The following MAEA variants were observed in gnomAD, a reference collection of about 807,000 sequenced individuals.
MAEA encodes the protein E3 ubiquitin-protein transferase MAEA.
A neutral mutation model predicts 46.2 loss-of-function variants in MAEA; 22 were observed. The ratio of observed to expected loss-of-function variants is 0.48; its 90% confidence interval spans 0.34 to 0.68. The LOEUF (loss-of-function observed/expected upper bound fraction) is 0.68. Among genes scored for constraint, MAEA ranks in the 30% least tolerant of loss-of-function variants. The probability of loss-of-function intolerance (pLI) is 0.01; values close to 1 mark genes in which losing one functional copy is unlikely to be tolerated. For synonymous variants in MAEA, 246 were observed against 222.6 expected (o/e 1.11, Z -0.94); for missense variants, 393 against 558.1 (o/e 0.70, Z 2.98).
At chr4:1,337,759 G>T in intron 7 of MAEA, 1 of 171,350 alleles carries the variant, frequency 5.8e-6, no homozygotes, top group South Asian at 9.6e-5. Flanking sequence ...GACTGACTCC[G>T]TCCTGCCTGT....
At position 1,331,679 on chromosome 4, in the gene MAEA, C is replaced by T. The variant is rs764676205; in HGVS notation, c.657-1078C>T. The T allele has an allele frequency of 1.6e-3, 242 of 152,182 alleles. 7 individuals are homozygous for T. The highest frequency in any genetic ancestry group is 7.0e-4 in the Non-Finnish European group (48 of 68,334). 9.4% of individuals were successfully genotyped at this position (152,182 alleles called of 1,614,324 possible). On this transcript the variant is annotated intron_variant, in intron 5 of 8. Transcript: ENST00000303400. The stretch of plus-strand genomic sequence containing the variant: ...GCAGAGGGGCCCTGAGGGCTGAGAA[C>T]GTGGGGTGCACAGGGGCCCGTGTGA...
At chr4:1,313,531 GC>G (rs1381355763) in intron 2 of MAEA, among the ~76,000 whole-genome samples, 1 of 152,148 alleles carries the variant, frequency 6.6e-6, no homozygotes, top group Non-Finnish European at 1.5e-5. Flanking sequence ...TTTGAGACCA[GC>G]CTGGGCAGCA....
At chr4:1,326,248 C>T (rs888757771) in intron 4 of MAEA, among the ~76,000 whole-genome samples, 2 of 152,242 alleles carry the variant, frequency 1.3e-5, no homozygotes, top group African/African-American at 4.8e-5. Flanking sequence ...GTGGATTCAT[C>T]TGCCACGTGG....
chr4:1,304,402 G>T (rs1402820964), intron 1 of MAEA, among the ~76,000 whole-genome samples: 1 of 152,054 alleles, frequency 6.6e-6, no homozygotes, highest in Non-Finnish European at 1.5e-5. Flanking sequence ...CCAAAGCACG[G>T]GGATTCCAGA....
intron 5 of MAEA, chr4:1,329,471 G>A (rs894848630): frequency 4.1e-6 from 4 of 985,184 alleles, no homozygotes; most frequent in African/African-American, 1.7e-5. Context: ...CAGGAAGTGC[G>A]TGTCCTTCCT....
chr4:1,298,007 A>G (rs1487016184), intron 1 of MAEA: 1 of 456,228 alleles, frequency 2.2e-6, no homozygotes, highest in Non-Finnish European at 4.4e-6. Context: ...CTGGCCACAG[A>G]AGCCGCACCT....
At chr4:1,318,198 A>G (rs1737553700) in intron 3 of MAEA, among the ~76,000 whole-genome samples, 1 of 152,178 alleles carries the variant, frequency 6.6e-6, no homozygotes, top group Non-Finnish European at 1.5e-5. Flanking sequence ...TAGATGACCT[A>G]GCCATCCTCT....
intron 6 of MAEA, among the ~76,000 whole-genome samples, chr4:1,333,714 AC>A (rs528882532): frequency 9.2e-5 from 1 of 10,830 alleles, no homozygotes. Flanking sequence ...CCCCTTGCCC[AC>A]CCCCATGCCC....
intron 1 of MAEA, among the ~76,000 whole-genome samples, chr4:1,293,110 G>T (rs979762776): frequency 6.6e-5 from 10 of 151,944 alleles, no homozygotes; most frequent in Non-Finnish European, 1.3e-4. Context: ...TGTCCAGCTG[G>T]TCTTGAACTC....
At chr4:1,335,579 G>C (rs1242571184) in intron 6 of MAEA, 1 of 983,654 alleles carries the variant, frequency 1.0e-6, no homozygotes, top group Non-Finnish European at 1.2e-6. Context: ...AAATCACAGA[G>C]TTAAGTCAGC....
chr4:1,293,813 T>G (rs1351674805), intron 1 of MAEA, among the ~76,000 whole-genome samples: 1 of 151,282 alleles, frequency 6.6e-6, no homozygotes, highest in African/African-American at 2.4e-5. Context: ...TTGATGACAG[T>G]CTGGTTGCCC....
chr4:1,335,251 C>T (rs1346319840), intron 6 of MAEA: 1 of 985,514 alleles, frequency 1.0e-6, no homozygotes, highest in Non-Finnish European at 1.2e-6. Flanking sequence ...AGTTTTTACA[C>T]CTAATGCTCT....
intron 7 of MAEA, chr4:1,337,788 C>T (rs940729884): frequency 5.7e-6 from 1 of 176,046 alleles, no homozygotes; most frequent in African/African-American, 2.4e-5. Context: ...CTCTTACTGA[C>T]TCTACCCCTG....
intron 1 of MAEA, chr4:1,309,611 G>T (rs904831683): frequency 6.6e-7 from 1 of 1,518,318 alleles, no homozygotes; most frequent in South Asian, 1.2e-5. Context: ...AGGAGCGTGC[G>T]CAGAGGCGTG....
At chr4:1,337,691 GTGACTCTGTCCTCGCCTGTGAC>G (rs1397394035) in intron 7 of MAEA, 2 of 170,540 alleles carry the variant, frequency 1.2e-5, no homozygotes, top group African/African-American at 2.5e-5. Context: ...CATCCCGCCT[GTGACTCTGTCCTCGCCTGTGAC>G]TGACTCTGCC....
chr4:1,316,180 G>A (rs1737143073), intron 3 of MAEA, among the ~76,000 whole-genome samples: 1 of 152,128 alleles, frequency 6.6e-6, no homozygotes. Context: ...TGCGTTTTCC[G>A]TGTTTTCTGT....
Position 1,332,794 on chromosome 4 carries a change from CA to C in MAEA, c.695del (p.Gln232ArgfsTer35). The C allele has an allele frequency of 6.2e-7, 1 of 1,613,272 alleles. No homozygotes were observed. The highest frequency in any genetic ancestry group is 8.5e-7 in the Non-Finnish European group (1 of 1,179,774). ...GCACTTCAGCCAAGCAGAAGGGAGC[CA>C]GCTGGACGAGGTGCGCCAGGCCATG... The part of the protein sequence containing the change: ...RKHFSQAEGS[Q>X]LDEVRQAMGM... On this transcript the variant is annotated frameshift_variant, in exon 6 of 9. Coordinates refer to ENST00000303400, the MANE Select transcript of MAEA (RefSeq NM_001017405.3). LOFTEE classifies it high-confidence loss of function.
chr4:1,335,033 G>A (rs964116604), intron 6 of MAEA: 58 of 985,268 alleles, frequency 5.9e-5, no homozygotes, highest in Admixed American at 3.1e-4. Flanking sequence ...AGGTGTGGCC[G>A]TCTCCCCCCA....
intron 1 of MAEA, among the ~76,000 whole-genome samples, chr4:1,304,902 T>A (rs1735687308): frequency 6.6e-6 from 1 of 152,244 alleles, no homozygotes; most frequent in Non-Finnish European, 1.5e-5. Flanking sequence ...TTTGAAACTA[T>A]ACAAATGTGT....
Sources: gnomAD v4.1 joint callset for allele counts (sites outside exome capture counted in the v4.1 genomes callset) on GRCh38, gnomAD v4.1.1 for gene constraint, MANE v1.5 for transcripts, NCBI Gene and HGNC (gene_info 2026-07-23, HGNC 2026-07-21) for gene names.